The following ERBB4 variants were observed in gnomAD, a reference collection of about 807,000 sequenced individuals.
ERBB4 encodes the protein receptor tyrosine-protein kinase erbB-4.
A neutral mutation model predicts 158.0 loss-of-function variants in ERBB4; 42 were observed. The ratio of observed to expected loss-of-function variants is 0.27; its 90% CI spans 0.21 to 0.34. ERBB4 has a LOEUF of 0.34. Among genes scored for constraint, ERBB4 ranks in the 10% least tolerant of loss-of-function variants. The pLI is 1.00. For missense variants in ERBB4, 1,333 were observed against 1,624.1 expected, an observed-to-expected ratio of 0.82 and a Z score of 3.08; for synonymous variants, 583 against 558.7, an observed-to-expected ratio of 1.04 and a Z score of -0.61.
At chr2:212,037,031 A>G (rs1245954343) in intron 2 of ERBB4, among the ~76,000 whole-genome samples, 1 of 152,222 alleles carries the variant, frequency 6.6e-6, no homozygotes, top group Non-Finnish European at 1.5e-5. Flanking sequence ...AGAGAAAATT[A>G]TTCAGCTATC....
chr2:212,079,004 T>G (rs1340741675), intron 2 of ERBB4, among the ~76,000 whole-genome samples: 1 of 151,406 alleles, frequency 6.6e-6, no homozygotes, highest in Non-Finnish European at 1.5e-5. Context: ...TTTATAGATT[T>G]ACTTCATTCC....
intron 3 of ERBB4, among the ~76,000 whole-genome samples, chr2:211,945,104 A>T (rs556957436): frequency 2.6e-5 from 4 of 152,172 alleles, no homozygotes; most frequent in Non-Finnish European, 5.9e-5. Flanking sequence ...ATCTTACCTG[A>T]ACTTAATTAC....
At chr2:211,459,523 G>A (rs530348770) in intron 20 of ERBB4, among the ~76,000 whole-genome samples, 2 of 152,254 alleles carry the variant, frequency 1.3e-5, no homozygotes, top group East Asian at 1.9e-4. Flanking sequence ...GGAAGGACCT[G>A]GTGGAAGATA....
At chr2:211,915,435 T>TTTTATATATATATA (rs1553512119) in intron 3 of ERBB4, among the ~76,000 whole-genome samples, 5 of 135,448 alleles carry the variant, frequency 3.7e-5, no homozygotes, top group African/African-American at 1.6e-4. Context: ...AGTTCAAACA[T>TTTTATATATATATA]TACATATATA....
chr2:211,591,932 C>T (rs1323758230), intron 19 of ERBB4, among the ~76,000 whole-genome samples: 3 of 152,090 alleles, frequency 2.0e-5, no homozygotes, highest in Admixed American at 6.6e-5. Flanking sequence ...TGTACCTGAG[C>T]GAGTTAGAGA....
intron 1 of ERBB4, among the ~76,000 whole-genome samples, chr2:212,282,178 C>T (rs1026523820): frequency 1.3e-5 from 2 of 151,690 alleles, no homozygotes; most frequent in Non-Finnish European, 1.5e-5. Flanking sequence ...CCGATGCTGC[C>T]CATAGAAAAG....
At chr2:212,018,305 G>A (rs977134782) in intron 2 of ERBB4, among the ~76,000 whole-genome samples, 3 of 152,120 alleles carry the variant, frequency 2.0e-5, no homozygotes, top group Non-Finnish European at 4.4e-5. Context: ...GAATACAAGG[G>A]TCTCAGCAGC....
chr2:212,262,342 C>G (rs1451922246), intron 1 of ERBB4, among the ~76,000 whole-genome samples: 1 of 152,082 alleles, frequency 6.6e-6, no homozygotes, highest in Non-Finnish European at 1.5e-5. Flanking sequence ...CCACGCATTG[C>G]AAGCCTTGTT....
chr2:211,909,757 T>A (rs1377757732), intron 3 of ERBB4, among the ~76,000 whole-genome samples: 1 of 151,792 alleles, frequency 6.6e-6, no homozygotes, highest in South Asian at 2.1e-4. Flanking sequence ...TGTGTGTATG[T>A]AGGTTTATGT....
chr2:212,341,084 AT>A (rs771189930), intron 1 of ERBB4, among the ~76,000 whole-genome samples: 4 of 151,956 alleles, frequency 2.6e-5, no homozygotes, highest in Non-Finnish European at 4.4e-5. Flanking sequence ...ATCCTTTTAT[AT>A]TTTTTTCTCC....
chr2:211,493,661 A>G, intron 20 of ERBB4, among the ~76,000 whole-genome samples: 1 of 140,558 alleles, frequency 7.1e-6, no homozygotes, highest in East Asian at 2.1e-4. Context: ...AGTATATTAT[A>G]GATGATTTGA....
intron 1 of ERBB4, among the ~76,000 whole-genome samples, chr2:212,133,515 G>A (rs2080176216): frequency 6.6e-6 from 1 of 150,838 alleles, no homozygotes; most frequent in African/African-American, 2.4e-5. Context: ...CCTCATAAGA[G>A]AGGCCTTTGC....
At chr2:212,116,902 G>T (rs2079587357) in intron 2 of ERBB4, among the ~76,000 whole-genome samples, 1 of 151,878 alleles carries the variant, frequency 6.6e-6, no homozygotes, top group East Asian at 1.9e-4. Flanking sequence ...TATATTTTTA[G>T]ATTAAATGGT....
At chr2:212,129,472 T>C (rs1287186241) in intron 1 of ERBB4, among the ~76,000 whole-genome samples, 1 of 151,490 alleles carries the variant, frequency 6.6e-6, no homozygotes, top group Admixed American at 6.6e-5. Flanking sequence ...TAGTTATATA[T>C]TCATAAGTTC....
chr2:212,183,686 T>C (rs893665275), intron 1 of ERBB4, among the ~76,000 whole-genome samples: 2 of 152,038 alleles, frequency 1.3e-5, no homozygotes, highest in Non-Finnish European at 2.9e-5. Flanking sequence ...AAAAGTAGAC[T>C]ATACAAGATG....
At chr2:212,472,384 A>T (rs1462511151) in intron 1 of ERBB4, among the ~76,000 whole-genome samples, 2 of 151,846 alleles carry the variant, frequency 1.3e-5, no homozygotes, top group Non-Finnish European at 3.0e-5. Flanking sequence ...GCACAGCTAG[A>T]AAGTAATATA....
intron 9 of ERBB4, among the ~76,000 whole-genome samples, chr2:211,709,304 TGAGA>T (rs368439466): frequency 1.2e-3 from 168 of 140,362 alleles, no homozygotes; most frequent in East Asian, 9.4e-3. Flanking sequence ...TATATATATA[TGAGA>T]GAGAGAGAGA....
At chr2:211,713,248 T>G (rs1280340713) in intron 8 of ERBB4, among the ~76,000 whole-genome samples, 1 of 152,192 alleles carries the variant, frequency 6.6e-6, no homozygotes, top group Non-Finnish European at 1.5e-5. Context: ...TACAAAGCTT[T>G]TAAGATTTGC....
intron 1 of ERBB4, among the ~76,000 whole-genome samples, chr2:212,389,916 C>T (rs1483232523): frequency 6.6e-6 from 1 of 151,284 alleles, no homozygotes; most frequent in Non-Finnish European, 1.5e-5. Flanking sequence ...AACTCAAACC[C>T]AGGTCTGTCT....
Sources: gnomAD v4.1 joint callset for allele counts (sites outside exome capture counted in the v4.1 genomes callset) on GRCh38, gnomAD v4.1.1 for gene constraint, MANE v1.5 for transcripts, NCBI Gene and HGNC (gene_info 2026-07-23, HGNC 2026-07-21) for gene names.